Variants in TMEM232 observed in about 807,000 individuals in gnomAD.
TMEM232 encodes transmembrane protein 232.
In TMEM232, 80 loss-of-function variants were observed where a neutral mutation model predicts 78.8. That is an observed-to-expected ratio of 1.01 (90% confidence interval 0.85 to 1.22). TMEM232 has a LOEUF of 1.22. Among genes scored for constraint, TMEM232 ranks in the 50% most tolerant of loss-of-function variants. The probability of loss-of-function intolerance (pLI) is 0.00; values close to 1 mark genes in which losing one functional copy is unlikely to be tolerated. For synonymous variants in TMEM232, 297 were observed against 254.3 expected (o/e 1.17, Z -1.60); for missense variants, 881 against 742.2 (o/e 1.19, Z -2.17).
Position 110,460,897 on chromosome 5 carries a change from A to G in TMEM232, c.1704-35981T>C, listed in dbSNP as rs561227326. On this transcript the variant is annotated intron_variant, in intron 12 of 13. Coordinates refer to ENST00000455884, the MANE Select transcript of TMEM232 (RefSeq NM_001039763.4). ...TTGGGGTGTCACATACTCTGTCTAT[A>G]GAAGATGGCAAACTCAGATACACAT... Among the ~76,000 whole-genome samples the G allele has an allele frequency of 1.6e-3, 246 of 152,240 alleles. 2 individuals are homozygous for G. The highest frequency in any genetic ancestry group is 3.1e-3 in the Non-Finnish European group (210 of 68,018).
chr5:110,508,734 T>TAGGACTA (rs1767265564), intron 12 of TMEM232, among the ~76,000 whole-genome samples: 1 of 150,308 alleles, frequency 6.7e-6, no homozygotes, highest in Admixed American at 6.7e-5. Flanking sequence ...AAGGAAGTAC[T>TAGGACTA]AGGACTAAAC....
chr5:110,539,654 A>T (rs1483738652), intron 11 of TMEM232, among the ~76,000 whole-genome samples: 1 of 152,174 alleles, frequency 6.6e-6, no homozygotes, highest in African/African-American at 2.4e-5. Flanking sequence ...GGCCTTAGAG[A>T]GGGATCTAAG....
chr5:110,509,378 T>C (rs184904473), intron 12 of TMEM232, among the ~76,000 whole-genome samples: 1 of 152,228 alleles, frequency 6.6e-6, no homozygotes, highest in Admixed American at 6.5e-5. Flanking sequence ...TTGAGTCTGC[T>C]GAGTTATGTT....
intron 8 of TMEM232, among the ~76,000 whole-genome samples, chr5:110,608,980 A>G (rs1781843692): frequency 6.6e-6 from 1 of 152,112 alleles, no homozygotes; most frequent in Non-Finnish European, 1.5e-5. Context: ...AAAGAAACTG[A>G]GCCAGAGTTT....
intron 3 of TMEM232, 56 bp from the exon 4 acceptor site, chr5:110,641,052 T>C: frequency 7.2e-6 from 8 of 1,108,344 alleles, no homozygotes; most frequent in South Asian, 5.8e-5. Context: ...TTTATATATA[T>C]ATTTATTTTT....
chr5:110,679,154 G>C (rs1349755070), intron 1 of TMEM232, among the ~76,000 whole-genome samples: 1 of 152,150 alleles, frequency 6.6e-6, no homozygotes. Context: ...AGCATCAAAT[G>C]AGAGCACCTG....
At chr5:110,591,823 G>GA (rs748204439) in intron 10 of TMEM232, among the ~76,000 whole-genome samples, 1 of 151,822 alleles carries the variant, frequency 6.6e-6, no homozygotes, top group Non-Finnish European at 1.5e-5. Context: ...ATTATTATGA[G>GA]AAAAAATAAT....
intron 12 of TMEM232, among the ~76,000 whole-genome samples, chr5:110,427,423 G>C (rs17543903): frequency 0.044 from 6,626 of 152,010 alleles, 214 homozygotes; most frequent in Non-Finnish European, 0.064. Context: ...TCAATTGTAA[G>C]AAAAAGGAAT....
intron 12 of TMEM232, among the ~76,000 whole-genome samples, chr5:110,449,759 A>G (rs1283687930): frequency 6.6e-6 from 1 of 152,160 alleles, no homozygotes; most frequent in Non-Finnish European, 1.5e-5. Context: ...GTGGAGCTAC[A>G]AAGCAGATGC....
chr5:110,473,802 A>G (rs1451947861), intron 12 of TMEM232, among the ~76,000 whole-genome samples: 3 of 149,718 alleles, frequency 2.0e-5, no homozygotes, highest in African/African-American at 7.3e-5. Context: ...AATACTAGTC[A>G]AATTCAAAAA....
intron 13 of TMEM232, among the ~76,000 whole-genome samples, chr5:110,422,115 G>A (rs1181740520): frequency 6.6e-6 from 1 of 152,072 alleles, no homozygotes; most frequent in Non-Finnish European, 1.5e-5. Context: ...TAATCTAGTT[G>A]TTTAAGAAAA....
chr5:110,664,229 T>G lies in TMEM232; in HGVS notation c.125+2999A>C, dbSNP rs535681178. ...TTTCACTATGGCATTGATTTTATTG[T>G]CAAAAATTTGGAAAATAATAAATAA... is the stretch of plus-strand genomic sequence containing the variant. On this transcript the variant is annotated intron_variant, in intron 2 of 13. Coordinates refer to ENST00000455884, the MANE Select transcript of TMEM232 (RefSeq NM_001039763.4). Among the ~76,000 whole-genome samples the G allele has an allele frequency of 3.2e-4, 49 of 152,284 alleles. 1 individual carries two copies. The highest frequency in any genetic ancestry group is 1.2e-3 in the African/African-American group (49 of 41,566).
At chr5:110,422,425 C>A (rs1443480328) in intron 13 of TMEM232, among the ~76,000 whole-genome samples, 1 of 141,796 alleles carries the variant, frequency 7.1e-6, no homozygotes, top group Non-Finnish European at 1.5e-5. Context: ...GAGGCTGAGG[C>A]AGGAGAATGG....
intron 1 of TMEM232, among the ~76,000 whole-genome samples, chr5:110,699,072 AAAC>A (rs905823977): frequency 1.3e-5 from 2 of 149,482 alleles, no homozygotes; most frequent in African/African-American, 5.0e-5. Context: ...AAACAAAACA[AAAC>A]AAAAACAAAC....
intron 2 of TMEM232, among the ~76,000 whole-genome samples, chr5:110,408,622 C>A (rs930883874): frequency 6.6e-6 from 1 of 151,410 alleles, no homozygotes. Flanking sequence ...CCCAAAAAAA[C>A]CAAAAGGTGA....
intron 2 of TMEM232, among the ~76,000 whole-genome samples, chr5:110,652,294 G>GCACACACACACA (rs70999969): frequency 0.37 from 54,034 of 145,226 alleles, 10,951 homozygotes; most frequent in South Asian, 0.46. Flanking sequence ...GCACGCGCGC[G>GCACACACACACA]CACACACACA....
chr5:110,489,766 T>G (rs528549338), intron 12 of TMEM232, among the ~76,000 whole-genome samples: 7 of 152,050 alleles, frequency 4.6e-5, no homozygotes, highest in African/African-American at 1.4e-4. Context: ...TATGCACAGA[T>G]AGAAAAATGT....
chr5:110,495,437 G>C (rs1421599903), intron 12 of TMEM232, among the ~76,000 whole-genome samples: 1 of 151,834 alleles, frequency 6.6e-6, no homozygotes, highest in Non-Finnish European at 1.5e-5. Context: ...AATAACAGTT[G>C]ATCTATTTTA....
At chr5:110,653,107 G>T (rs7711859) in intron 2 of TMEM232, among the ~76,000 whole-genome samples, 2 of 152,112 alleles carry the variant, frequency 1.3e-5, no homozygotes, top group Non-Finnish European at 2.9e-5. Flanking sequence ...TACCATGAGC[G>T]CTAGAAGATA....
Sources: allele counts gnomAD v4.1 joint callset (sites outside exome capture counted in the v4.1 genomes callset), GRCh38; gene constraint gnomAD v4.1.1; transcripts MANE v1.5; gene names NCBI Gene and HGNC (gene_info 2026-07-23, HGNC 2026-07-21).